MED12L: variants seen among roughly 807,000 people sequenced by gnomAD.
The protein encoded by MED12L is mediator of RNA polymerase II transcription subunit 12-like protein.
MED12L carries 60 observed loss-of-function variants against 281.3 expected under a neutral mutation model. That is an observed-to-expected ratio of 0.21 (90% CI 0.17 to 0.26). The LOEUF (loss-of-function observed/expected upper bound fraction) is 0.26, where lower values mean the gene tolerates loss of function less well. Ranked by LOEUF, MED12L falls within the 10% of genes least tolerant of loss-of-function variation. MED12L has a pLI of 1.00. For synonymous variants in MED12L, 974 were observed against 987.2 expected, an observed-to-expected ratio of 0.99 and a Z score of 0.25; for missense variants, 2,146 against 2,680.9, an observed-to-expected ratio of 0.80 and a Z score of 4.41.
chr3:151,248,349 A>G (rs1736162635), intron 16 of MED12L, among the ~76,000 whole-genome samples: 1 of 152,182 alleles, frequency 6.6e-6, no homozygotes, highest in Non-Finnish European at 1.5e-5. Flanking sequence ...TAGAGAAGAC[A>G]TCACAGCTGC....
At chr3:151,185,264 T>G in intron 11 of MED12L, 66 bp from the exon 12 acceptor site, 2 of 1,540,998 alleles carry the variant, frequency 1.3e-6, no homozygotes, top group Non-Finnish European at 1.8e-6. Context: ...CCTTGCTTGC[T>G]TCCTGCCTCT....
At position 151,395,458 on chromosome 3, in the gene MED12L, A is replaced by C. The variant is rs78781782; in HGVS notation, c.5820+591A>C. On this transcript the variant is annotated intron_variant, in intron 39 of 44. Transcript: ENST00000687756. ...TGTGGCCTATAACTCAATGTTCTTC[A>C]TAGAAGACAGTGATCCATGTTTAAG... 9.3e-3 allele frequency among the ~76,000 whole-genome samples: 1,418 copies of C among 152,362 alleles called. 7 individuals are homozygous for C. Among genetic ancestry groups the C allele is most frequent in the Non-Finnish European group, 0.015 (994 of 68,030 alleles).
chr3:151,367,692 T>G lies in MED12L; in HGVS notation c.3374T>G (p.Ile1125Ser). The G allele has an allele frequency of 6.2e-7, 1 of 1,612,014 alleles. No individual in the cohort carries two copies. The highest frequency in any genetic ancestry group is 8.5e-7 in the Non-Finnish European group (1 of 1,178,728). ...FHDSLATFIAILIARQCFSLE... is the reference protein window; with the variant it reads ...FHDSLATFIASLIARQCFSLE... The stretch of plus-strand genomic sequence containing the variant: ...GATTCATTAGCTACTTTCATTGCTA[T>G]TCTGATAGCACGACAGTGTTTTTCC... Residue 1125 changes from isoleucine to serine, a missense_variant, in exon 24 of 45, where the codon ATT becomes AGT. Physicochemically the swap from Ile to Ser is moderately radical, Grantham distance 142. Coordinates refer to ENST00000687756, the MANE Select transcript of MED12L (RefSeq NM_001393769.1).
intron 16 of MED12L, among the ~76,000 whole-genome samples, chr3:151,296,073 ATTC>A (rs1201238879): frequency 1.6e-4 from 24 of 152,106 alleles, no homozygotes; most frequent in South Asian, 4.1e-4. Flanking sequence ...TTGTTTTCTC[ATTC>A]TTATTAAGTT....
intron 17 of MED12L, among the ~76,000 whole-genome samples, chr3:151,351,365 GT>G (rs1474674376): frequency 3.3e-5 from 5 of 152,186 alleles, no homozygotes; most frequent in African/African-American, 4.8e-5. Context: ...CAGTGGGAAA[GT>G]TATCCTTCCT....
rs1307977762 is a variant in MED12L, at chr3:151,388,143, C to T, written c.5422C>T (p.Arg1808Cys). Residue 1808 changes from arginine to cysteine, a missense_variant, in exon 37 of 45, where the codon CGC (arginine) becomes TGC (cysteine). Physicochemically the swap from Arg to Cys is radical, Grantham distance 180. Coordinates refer to ENST00000687756, the MANE Select transcript of MED12L (RefSeq NM_001393769.1). ...AGAAAAGAAAACAAAAGGAAGGAAGCGCAAGACGAAATCTAGCTCAAGAGT... is the reference window on the plus strand; with the variant it reads ...AGAAAAGAAAACAAAAGGAAGGAAGTGCAAGACGAAATCTAGCTCAAGAGT... The part of the protein sequence containing the change: ...DEEKKTKGRK[R>C]KTKSSSRVDE... The T allele has an allele frequency of 6.9e-6, 11 of 1,604,986 alleles. No homozygotes were observed. Among genetic ancestry groups the T allele is most frequent in the African/African-American group, 1.3e-5 (1 of 74,626 alleles).
intron 16 of MED12L, among the ~76,000 whole-genome samples, chr3:151,264,453 G>A (rs562984921): frequency 7.9e-5 from 12 of 152,320 alleles, no homozygotes; most frequent in Non-Finnish European, 1.6e-4. Context: ...ACGCCTTATG[G>A]CCTGTCTCAG....
At chr3:151,364,341 C>T (rs933300936) in intron 21 of MED12L, among the ~76,000 whole-genome samples, 2 of 152,136 alleles carry the variant, frequency 1.3e-5, no homozygotes, top group Non-Finnish European at 2.9e-5. Flanking sequence ...CTTTAAAAAT[C>T]TCTTAATGCC....
intron 16 of MED12L, among the ~76,000 whole-genome samples, chr3:151,309,737 C>T (rs35909778): frequency 0.066 from 10,089 of 152,204 alleles, 1,127 homozygotes; most frequent in African/African-American, 0.23. Flanking sequence ...ACCAGAGTGT[C>T]CTTGCATCCT....
At chr3:151,193,414 T>C in intron 15 of MED12L, 76 bp from the exon 16 acceptor site, 1 of 1,117,952 alleles carries the variant, frequency 8.9e-7, no homozygotes. Context: ...TATGTGTGTG[T>C]TTTGGTATGT....
At chr3:151,112,397 C>G (rs1004328550) in intron 2 of MED12L, among the ~76,000 whole-genome samples, 1 of 151,484 alleles carries the variant, frequency 6.6e-6, no homozygotes, top group Non-Finnish European at 1.5e-5. Flanking sequence ...TCTCTGCCTT[C>G]TAGGGCCCTG....
chr3:151,138,989 C>A (rs755472451), intron 5 of MED12L, among the ~76,000 whole-genome samples: 4 of 141,220 alleles, frequency 2.8e-5, no homozygotes, highest in Non-Finnish European at 6.1e-5. Flanking sequence ...ATCTACCTAC[C>A]TACCTACCTA....
intron 16 of MED12L, among the ~76,000 whole-genome samples, chr3:151,304,764 C>T (rs962392564): frequency 6.6e-6 from 1 of 152,148 alleles, no homozygotes; most frequent in Admixed American, 6.5e-5. Context: ...TATGAAGACT[C>T]ATCCATTATA....
chr3:151,222,362 C>T (rs113691938), intron 16 of MED12L, among the ~76,000 whole-genome samples: 15,745 of 152,076 alleles, frequency 0.1, 1,096 homozygotes, highest in Middle Eastern at 0.16. Flanking sequence ...GATTTGGGAG[C>T]GGTCAGAGGT....
At chr3:151,299,573 G>A (rs1181670196) in intron 16 of MED12L, among the ~76,000 whole-genome samples, 1 of 151,026 alleles carries the variant, frequency 6.6e-6, no homozygotes, top group East Asian at 1.9e-4. Context: ...CTGTCTGCTG[G>A]GTTCAAGCGA....
intron 16 of MED12L, among the ~76,000 whole-genome samples, chr3:151,267,862 C>A (rs144129202): frequency 6.6e-6 from 1 of 152,196 alleles, no homozygotes; most frequent in East Asian, 1.9e-4. Flanking sequence ...AAACAGCTGT[C>A]AAAATACAGT....
intron 16 of MED12L, among the ~76,000 whole-genome samples, chr3:151,259,985 A>T (rs142849675): frequency 2.0e-5 from 3 of 152,220 alleles, no homozygotes; most frequent in Non-Finnish European, 4.4e-5. Flanking sequence ...CATGTGATAC[A>T]TAAAAGATTG....
At chr3:151,229,744 C>T (rs975746535) in intron 16 of MED12L, among the ~76,000 whole-genome samples, 3 of 152,114 alleles carry the variant, frequency 2.0e-5, no homozygotes, top group Admixed American at 6.5e-5. Context: ...GGATTACAGG[C>T]ATGAGCCACT....
intron 25 of MED12L, among the ~76,000 whole-genome samples, chr3:151,369,153 G>A (rs1183923595): frequency 1.3e-5 from 2 of 152,294 alleles, no homozygotes; most frequent in South Asian, 2.1e-4. Flanking sequence ...CATATAGATA[G>A]GCATGTGTCT....
Sources: gnomAD v4.1 joint callset for allele counts (sites outside exome capture counted in the v4.1 genomes callset) on GRCh38, gnomAD v4.1.1 for gene constraint, MANE v1.5 for transcripts, NCBI Gene and HGNC (gene_info 2026-07-23, HGNC 2026-07-21) for gene names.